CACNA1A: variants seen among roughly 807,000 people sequenced by gnomAD.
CACNA1A encodes calcium voltage-gated channel subunit alpha1 A.
A neutral mutation model predicts 262.4 loss-of-function variants in CACNA1A; 57 were observed. The observed-to-expected ratio is 0.22, with a 90% CI of 0.18 to 0.27. The LOEUF (loss-of-function observed/expected upper bound fraction) is 0.27, where lower values mean the gene tolerates loss of function less well. Ranked by LOEUF, CACNA1A falls within the 10% of genes least tolerant of loss-of-function variation. The probability of loss-of-function intolerance (pLI) is 1.00; values close to 1 mark genes in which losing one functional copy is unlikely to be tolerated. For missense variants in CACNA1A, 2,526 were observed against 3,562.8 expected (o/e 0.71, Z 7.41); for synonymous variants, 1,431 against 1,419.3 (o/e 1.01, Z -0.18).
intron 1 of CACNA1A, among the ~76,000 whole-genome samples, chr19:13,455,683 A>G (rs548375650): frequency 1.0e-3 from 156 of 152,184 alleles, no homozygotes; most frequent in African/African-American, 3.5e-3. Context: ...GACTATAGAC[A>G]GTGGAAGGGG....
At chr19:13,268,893 C>CCT (rs1229974335) in intron 24 of CACNA1A, among the ~76,000 whole-genome samples, 21 of 107,934 alleles carry the variant, frequency 1.9e-4, no homozygotes, top group African/African-American at 5.7e-4. Context: ...ATAGATTCTA[C>CCT]TTTTTTTTTT....
intron 9 of CACNA1A, among the ~76,000 whole-genome samples, chr19:13,331,580 G>A (rs1175109611): frequency 2.0e-5 from 3 of 152,112 alleles, no homozygotes; most frequent in Non-Finnish European, 2.9e-5. Context: ...TAAATCTCAA[G>A]CAAGAAGTTG....
chr19:13,348,116 G>A (rs1246204737), intron 6 of CACNA1A, among the ~76,000 whole-genome samples: 1 of 151,944 alleles, frequency 6.6e-6, no homozygotes, highest in South Asian at 2.1e-4. Flanking sequence ...TAAAGATGGG[G>A]TCTTGCTTTT....
At chr19:13,230,821 A>G (rs1369367485) in intron 35 of CACNA1A, among the ~76,000 whole-genome samples, 2 of 151,276 alleles carry the variant, frequency 1.3e-5, no homozygotes, top group African/African-American at 4.9e-5. Flanking sequence ...AAAAAAAAAA[A>G]AGAGAGAGAG....
At chr19:13,349,146 T>G (rs1372937356) in intron 6 of CACNA1A, among the ~76,000 whole-genome samples, 1 of 152,074 alleles carries the variant, frequency 6.6e-6, no homozygotes, top group East Asian at 1.9e-4. Flanking sequence ...TAGGGGACCT[T>G]GGCAGGTCAC....
chr19:13,251,345 T>A (rs867910980), intron 30 of CACNA1A, among the ~76,000 whole-genome samples: 1 of 151,958 alleles, frequency 6.6e-6, no homozygotes, highest in South Asian at 2.1e-4. Context: ...TAGCCAGGTG[T>A]GGTGGCAGGC....
At chr19:13,360,447 C>T (rs1044651230) in intron 5 of CACNA1A, among the ~76,000 whole-genome samples, 3 of 151,494 alleles carry the variant, frequency 2.0e-5, no homozygotes, top group South Asian at 4.2e-4. Context: ...TCTGTATCCC[C>T]TCCAAACACT....
rs2058702783 is a variant in CACNA1A at position 13,343,032 on chromosome 19, G to C, written c.979-7123C>G. Among the ~76,000 whole-genome samples the C allele has an allele frequency of 2.6e-5, 4 of 152,200 alleles. No individual in the cohort carries two copies. In the South Asian group the frequency reaches 8.3e-4, roughly 32 times the overall value. ...AGCCTCCCAAAGTGCTGGGATTTCA[G>C]GCATGAGCCACCACGCCCAGCCAGA... On this transcript the variant is annotated intron_variant, in intron 6 of 46. Coordinates refer to ENST00000360228, the MANE Select transcript of CACNA1A (RefSeq NM_001127222.2).
intron 43 of CACNA1A, chr19:13,211,714 CAT>C (rs1014848452): frequency 5.2e-5 from 13 of 248,830 alleles, no homozygotes; most frequent in South Asian, 2.4e-4. Context: ...GTATGTTGAG[CAT>C]GTGTGTGTGT....
At chr19:13,234,804 G>A (rs1206378464) in intron 34 of CACNA1A, 117 bp downstream of exon 34, 3 of 733,594 alleles carry the variant, frequency 4.1e-6, no homozygotes, top group African/African-American at 3.5e-5. Flanking sequence ...CAGAAGAGAA[G>A]GAGGAGGGCA....
chr19:13,227,414 CG>C lies in CACNA1A; in HGVS notation c.5625+16del. ...AACCCAGTGCCTGGACGTCGGTGGT[CG>C]GCAAGGGTAGTCTACCTTGTAAGCC... On this transcript the variant is annotated intron_variant, in intron 37 of 46. Coordinates refer to ENST00000360228, the MANE Select transcript of CACNA1A (RefSeq NM_001127222.2). 1 of 1,457,094 alleles carries C rather than the reference CG, an allele frequency of 6.9e-7. No individual in the cohort carries two copies. Among genetic ancestry groups the C allele is most frequent in the Non-Finnish European group, 9.4e-7 (1 of 1,065,308 alleles). 90.3% of individuals were successfully genotyped at this position (1,457,094 alleles called of 1,614,324 possible).
chr19:13,223,584 G>A (rs376786048), intron 38 of CACNA1A, among the ~76,000 whole-genome samples: 1 of 152,146 alleles, frequency 6.6e-6, no homozygotes, highest in Non-Finnish European at 1.5e-5. Context: ...CTCAGTGGCC[G>A]GAGGGAACCT....
intron 1 of CACNA1A, among the ~76,000 whole-genome samples, chr19:13,463,947 A>G (rs2144991833): frequency 6.6e-6 from 1 of 152,306 alleles, no homozygotes; most frequent in Middle Eastern, 3.4e-3. Context: ...CATATATAAA[A>G]GGTAGAAAAT....
At position 13,248,486 on chromosome 19, in the gene CACNA1A, G is replaced by A. The variant is rs374556031; in HGVS notation, c.4867-3221C>T. Among the ~76,000 whole-genome samples, 86 of 151,370 alleles carry A rather than the reference G, an allele frequency of 5.7e-4. 1 individual carries two copies. The East Asian group carries it at 0.015, about 27-fold the overall frequency. ...GGCTCTTGCAGGATTGGCAGGGTGA[G>A]GGAGATGCAGCTCCAGGCCCCAGTG... On this transcript the variant is annotated intron_variant, in intron 30 of 46. Transcript: ENST00000360228.
chr19:13,369,089 G>A (rs2059272051), intron 4 of CACNA1A, among the ~76,000 whole-genome samples: 1 of 151,458 alleles, frequency 6.6e-6, no homozygotes, highest in African/African-American at 2.4e-5. Flanking sequence ...CAGATGCAGT[G>A]TGGTGCAGTG....
intron 43 of CACNA1A, chr19:13,210,890 GAGAC>G (rs2054788945): frequency 3.4e-6 from 2 of 585,794 alleles, no homozygotes; most frequent in Admixed American, 5.9e-5. Flanking sequence ...GGGTACAGAG[GAGAC>G]AGACAGGAGA....
rs531836201 is a variant in CACNA1A at position 13,442,238 on chromosome 19, G to A, written c.539+10638C>T. Reference sequence around the variant, plus strand: ...AGAGATTGGTAAAGGGTACACTAGTGAATGGGTTTTATGTGAACAACTAGG... The same window carrying A: ...AGAGATTGGTAAAGGGTACACTAGTAAATGGGTTTTATGTGAACAACTAGG... On this transcript the variant is annotated intron_variant, in intron 3 of 46. Coordinates refer to ENST00000360228, the MANE Select transcript of CACNA1A (RefSeq NM_001127222.2). Among the ~76,000 whole-genome samples, 8 of 152,326 alleles carry A rather than the reference G, an allele frequency of 5.3e-5. No homozygotes were observed. In the South Asian group the frequency reaches 1.7e-3, roughly 32 times the overall value.
intron 3 of CACNA1A, among the ~76,000 whole-genome samples, chr19:13,436,103 G>A (rs1306018758): frequency 6.6e-6 from 1 of 152,196 alleles, no homozygotes; most frequent in Non-Finnish European, 1.5e-5. Context: ...GGGATTACAG[G>A]TGTGAGCCAC....
intron 22 of CACNA1A, among the ~76,000 whole-genome samples, chr19:13,278,102 A>G (rs1286195201): frequency 3.3e-5 from 5 of 150,690 alleles, no homozygotes; most frequent in Non-Finnish European, 7.4e-5. Context: ...AAAAAAAAAA[A>G]TCAGATCCAC....
Sources: gnomAD v4.1 joint callset for allele counts (sites outside exome capture counted in the v4.1 genomes callset) on GRCh38, gnomAD v4.1.1 for gene constraint, MANE v1.5 for transcripts, NCBI Gene and HGNC (gene_info 2026-07-23, HGNC 2026-07-21) for gene names.